Variants in PPP3CC observed in about 807,000 individuals in gnomAD.
PPP3CC encodes serine/threonine-protein phosphatase 2B catalytic subunit gamma isoform.
PPP3CC carries 35 observed loss-of-function variants against 60.3 expected under a neutral mutation model. The ratio of observed to expected loss-of-function variants is 0.58; its 90% CI spans 0.44 to 0.77. The LOEUF is 0.77. PPP3CC is among the 30% of genes least tolerant of loss of function. The probability of loss-of-function intolerance (pLI) is 0.00; values close to 1 mark genes in which losing one functional copy is unlikely to be tolerated. For synonymous variants in PPP3CC, 206 were observed against 224.3 expected (o/e 0.92, Z 0.73); for missense variants, 570 against 628.9 (o/e 0.91, Z 1.00).
At chr8:22,450,130 A>G (rs1836966793) in intron 1 of PPP3CC, among the ~76,000 whole-genome samples, 2 of 152,034 alleles carry the variant, frequency 1.3e-5, no homozygotes, top group Admixed American at 1.3e-4. Context: ...TGGTCTCCCA[A>G]AGTGCTGGGA....
At chr8:22,454,301 T>C (rs1282753713) in intron 1 of PPP3CC, among the ~76,000 whole-genome samples, 2 of 152,178 alleles carry the variant, frequency 1.3e-5, no homozygotes, top group East Asian at 3.8e-4. Context: ...TCAATGTCAC[T>C]GTCTTCTACC....
In PPP3CC at chr8:22,444,874, G is replaced by A. The variant is rs182451941; in HGVS notation, c.49+3416G>A. 5.2e-4 allele frequency among the ~76,000 whole-genome samples: 79 copies of A among 151,918 alleles called. 1 individual carries two copies. In the East Asian group the frequency reaches 0.014, roughly 27 times the overall value. ...CTTTATTTTTTTTTCTAGTTTCCAC[G>A]TTCCTTTTCCTGTTTAAGGACATGT... On this transcript the variant is annotated intron_variant, in intron 1 of 13. Coordinates refer to ENST00000240139, the MANE Select transcript of PPP3CC (RefSeq NM_005605.5).
chr8:22,535,817 C>T (rs1172573180), intron 12 of PPP3CC, among the ~76,000 whole-genome samples: 11 of 152,210 alleles, frequency 7.2e-5, no homozygotes, highest in Non-Finnish European at 1.2e-4. Context: ...CTGCAATCTC[C>T]GCCTCCCAGG....
intron 12 of PPP3CC, 85 bp from the exon 13 acceptor site, chr8:22,539,384 T>A: frequency 3.4e-6 from 5 of 1,456,128 alleles, no homozygotes; most frequent in Non-Finnish European, 3.8e-6. Flanking sequence ...GCCCCTGGGA[T>A]GGCTGTGCTG....
chr8:22,513,209 G>C, intron 5 of PPP3CC, 84 bp from the exon 6 acceptor site: 3 of 1,358,928 alleles, frequency 2.2e-6, no homozygotes, highest in East Asian at 4.9e-5. Context: ...GTGGGTGAAA[G>C]GGGTTTTTCT....
intron 1 of PPP3CC, among the ~76,000 whole-genome samples, chr8:22,458,155 A>G (rs1837264001): frequency 6.6e-6 from 1 of 152,216 alleles, no homozygotes; most frequent in Non-Finnish European, 1.5e-5. Context: ...CACATTACCC[A>G]TACAATGTGA....
intron 12 of PPP3CC, among the ~76,000 whole-genome samples, chr8:22,538,378 G>A (rs917955707): frequency 6.6e-6 from 1 of 152,182 alleles, no homozygotes; most frequent in Non-Finnish European, 1.5e-5. Flanking sequence ...ATTAGAGAGG[G>A]TGTGACAGTG....
intron 5 of PPP3CC, 52 bp downstream of exon 5, chr8:22,511,283 T>G (rs1410019425): frequency 1.3e-6 from 2 of 1,553,466 alleles, no homozygotes; most frequent in South Asian, 2.3e-5. Context: ...ATGTGTTGGG[T>G]TTTTTTGTTG....
rs1350356330 is a variant in PPP3CC, at chr8:22,527,443, G to A, written c.995G>A (p.Cys332Tyr). 3 of 1,613,516 alleles carry A rather than the reference G, an allele frequency of 1.9e-6. No homozygotes were observed. Among genetic ancestry groups the A allele is most frequent in the Admixed American group, 1.7e-5 (1 of 60,016 alleles). The change falls in exon 9 of 14, where the codon TGT becomes TAT. Residue 332 changes from cysteine (C) to tyrosine (Y), a missense_variant. Coordinates refer to ENST00000240139, the MANE Select transcript of PPP3CC (RefSeq NM_005605.5). ...GTCATGAATATCAGGCAGTTTAACT[G>A]TTCTCCACACCCCTACTGGCTTCCA... ...NNVMNIRQFNCSPHPYWLPNF... is the reference protein window; with the variant it reads ...NNVMNIRQFNYSPHPYWLPNF...
intron 3 of PPP3CC, among the ~76,000 whole-genome samples, chr8:22,494,781 CAT>C (rs1393866397): frequency 6.6e-6 from 1 of 152,182 alleles, no homozygotes; most frequent in African/African-American, 2.4e-5. Flanking sequence ...GTATTCTTTT[CAT>C]AGTCTATTTA....
At chr8:22,532,432 A>C in intron 11 of PPP3CC, 126 bp downstream of exon 11, 1 of 731,576 alleles carries the variant, frequency 1.4e-6, no homozygotes, top group Admixed American at 2.6e-5. Flanking sequence ...GGTTGAGTGC[A>C]AATTCAATGA....
chr8:22,522,129 A>G (rs1380791042), intron 6 of PPP3CC, among the ~76,000 whole-genome samples: 1 of 116,500 alleles, frequency 8.6e-6, no homozygotes, highest in Admixed American at 8.6e-5. Flanking sequence ...AGCATCTACT[A>G]CACACACACG....
In PPP3CC at chr8:22,505,999, T is replaced by C. The variant is rs1156850610; in HGVS notation, c.485-5087T>C. Among the ~76,000 whole-genome samples the C allele has an allele frequency of 2.0e-5, 3 of 152,092 alleles. No homozygotes were observed. The South Asian group carries it at 6.2e-4, about 32-fold the overall frequency. ...TAGGGGTTTGCTATACAGATTATTT[T>C]GTCACCCAGGCACTAAGCCTAGTAC... On this transcript the variant is annotated intron_variant, in intron 4 of 13. Transcript: ENST00000240139.
intron 13 of PPP3CC, among the ~76,000 whole-genome samples, chr8:22,540,072 G>A (rs979737588): frequency 2.0e-5 from 3 of 152,212 alleles, no homozygotes; most frequent in East Asian, 1.9e-4. Flanking sequence ...AAGTTGAATC[G>A]GAAGGAAAAT....
At chr8:22,467,794 C>A (rs567017951) in intron 1 of PPP3CC, among the ~76,000 whole-genome samples, 1 of 152,156 alleles carries the variant, frequency 6.6e-6, no homozygotes, top group Non-Finnish European at 1.5e-5. Context: ...TTATTTCTTA[C>A]AGTCCTAGAG....
At chr8:22,473,564 A>T (rs528750178) in intron 1 of PPP3CC, among the ~76,000 whole-genome samples, 2 of 152,020 alleles carry the variant, frequency 1.3e-5, no homozygotes, top group Admixed American at 6.6e-5. Context: ...CCCAGATTCA[A>T]GCAATTCTTC....
Position 22,540,699 on chromosome 8 carries a change from C to A in PPP3CC, c.1436C>A (p.Pro479His). 6.2e-7 allele frequency: 1 copy of A among 1,614,098 alleles called. No individual in the cohort carries two copies. The highest frequency in any genetic ancestry group is 8.5e-7 in the Non-Finnish European group (1 of 1,180,006). The change falls in exon 14 of 14, where the codon CCC becomes CAC. Residue 479 changes from proline to histidine, a missense_variant. Coordinates refer to ENST00000240139, the MANE Select transcript of PPP3CC (RefSeq NM_005605.5). ...GACCGAATTAATGAGCGAATGCCAC[C>A]CCGAAAGGATAGCATACACGCTGGT... ...GLDRINERMP[P>H]RKDSIHAGGP...
intron 3 of PPP3CC, among the ~76,000 whole-genome samples, chr8:22,489,773 TTA>T (rs1274247325): frequency 2.2e-5 from 3 of 138,234 alleles, no homozygotes; most frequent in South Asian, 2.2e-4. Context: ...ATATTTTATA[TTA>T]TATATATAGT....
At position 22,445,766 on chromosome 8, in the gene PPP3CC, G is replaced by A. The variant is rs376649882; in HGVS notation, c.49+4308G>A. On this transcript the variant is annotated intron_variant, in intron 1 of 13. Transcript: ENST00000240139. ...AAGTATAAATTTTCAATGTGAATAC[G>A]TTTTAAAGTTGATATCTCCTGGATT... Among the ~76,000 whole-genome samples, 14 of 152,194 alleles carry A rather than the reference G, an allele frequency of 9.2e-5. No individual in the cohort carries two copies. The South Asian group carries it at 1.5e-3, about 16-fold the overall frequency.
Sources: gnomAD v4.1 joint callset for allele counts (sites outside exome capture counted in the v4.1 genomes callset) on GRCh38, gnomAD v4.1.1 for gene constraint, MANE v1.5 for transcripts, NCBI Gene and HGNC (gene_info 2026-07-23, HGNC 2026-07-21) for gene names.